Variants in CREB5 observed in about 807,000 individuals in gnomAD.
CREB5 encodes cAMP responsive element binding protein 5.
In CREB5, 19 loss-of-function variants were observed where a neutral mutation model predicts 57.1. The observed-to-expected ratio is 0.33, with a 90% CI of 0.23 to 0.49. The LOEUF is 0.49. Among genes scored for constraint, CREB5 ranks in the 20% least tolerant of loss-of-function variants. The pLI is 0.99. For synonymous variants in CREB5, 238 were observed against 238.3 expected (o/e 1.00, Z 0.01); for missense variants, 579 against 671.6 (o/e 0.86, Z 1.52).
At chr7:28,318,765 A>G (rs1270182782) in intron 1 of CREB5, among the ~76,000 whole-genome samples, 2 of 152,256 alleles carry the variant, frequency 1.3e-5, no homozygotes, top group Non-Finnish European at 2.9e-5. Context: ...GGCACAGAAT[A>G]TCATCGTAAA....
At chr7:28,795,755 C>CTTTTTTTTT (rs367853221) in intron 7 of CREB5, among the ~76,000 whole-genome samples, 1 of 137,518 alleles carries the variant, frequency 7.3e-6, no homozygotes, top group African/African-American at 2.7e-5. Flanking sequence ...GTTTTTCTTT[C>CTTTTTTTTT]TTTTTTTTTT....
chr7:28,336,237 C>T (rs1785819617), intron 1 of CREB5, among the ~76,000 whole-genome samples: 1 of 151,980 alleles, frequency 6.6e-6, no homozygotes, highest in Admixed American at 6.6e-5. Context: ...ATTCTCTCCT[C>T]CTCTATTTTT....
intron 5 of CREB5, among the ~76,000 whole-genome samples, chr7:28,608,016 C>A (rs539942556): frequency 1.3e-5 from 2 of 151,656 alleles, no homozygotes; most frequent in South Asian, 4.2e-4. Context: ...GTTTATTAAT[C>A]GTGGCATCAG....
chr7:28,430,887 T>C lies in CREB5; in HGVS notation c.3+17970T>C, dbSNP rs539445899. On this transcript the variant is annotated intron_variant, in intron 1 of 10. Transcript: ENST00000357727. ...GTGATCAAGATACCTGCCAGGGCTG[T>C]AGTCACCTCAAACCTCAGTGGGGGA... Among the ~76,000 whole-genome samples the C allele has an allele frequency of 9.2e-5, 14 of 152,298 alleles. No individual in the cohort carries two copies. The Middle Eastern group carries it at 0.01, about 111-fold the overall frequency.
chr7:28,571,306 G>A (rs1050631562), intron 5 of CREB5, among the ~76,000 whole-genome samples: 1 of 152,146 alleles, frequency 6.6e-6, no homozygotes, highest in South Asian at 2.1e-4. Flanking sequence ...CCACGGATAA[G>A]GGGGACCACC....
At chr7:28,578,773 A>G (rs1178727578) in intron 5 of CREB5, among the ~76,000 whole-genome samples, 2 of 152,244 alleles carry the variant, frequency 1.3e-5, no homozygotes, top group African/African-American at 2.4e-5. Flanking sequence ...AGCTCATTCA[A>G]CAGCTTCTTT....
At chr7:28,323,643 T>A (rs1785529164) in intron 1 of CREB5, among the ~76,000 whole-genome samples, 1 of 152,198 alleles carries the variant, frequency 6.6e-6, no homozygotes, top group Non-Finnish European at 1.5e-5. Context: ...TCTAGGGCAG[T>A]GAACCCCAGC....
chr7:28,735,037 C>T (rs1803892572), intron 7 of CREB5, among the ~76,000 whole-genome samples: 1 of 152,124 alleles, frequency 6.6e-6, no homozygotes, highest in South Asian at 2.1e-4. Flanking sequence ...AGCTTCACCA[C>T]CTTACTTTAC....
At chr7:28,368,629 C>T (rs1017131137) in intron 1 of CREB5, among the ~76,000 whole-genome samples, 1 of 152,200 alleles carries the variant, frequency 6.6e-6, no homozygotes, top group Non-Finnish European at 1.5e-5. Flanking sequence ...CTCAGATGGT[C>T]CCATTGCTAC....
chr7:28,476,432 C>T (rs1791071635), intron 1 of CREB5, among the ~76,000 whole-genome samples: 1 of 152,186 alleles, frequency 6.6e-6, no homozygotes, highest in Non-Finnish European at 1.5e-5. Context: ...CAGCACTTTG[C>T]AGTTTATGAA....
intron 1 of CREB5, among the ~76,000 whole-genome samples, chr7:28,371,836 T>C (rs1786711185): frequency 2.0e-5 from 1 of 50,382 alleles, no homozygotes; most frequent in Non-Finnish European, 3.5e-5. Context: ...CTTTGCCACC[T>C]GAGCGCTTGT....
chr7:28,510,791 T>C (rs947989460), intron 4 of CREB5, among the ~76,000 whole-genome samples: 3 of 152,222 alleles, frequency 2.0e-5, no homozygotes, highest in African/African-American at 7.2e-5. Flanking sequence ...CATAATAGCC[T>C]CAATTTCCAT....
At chr7:28,485,970 C>T (rs1164947251) in intron 1 of CREB5, among the ~76,000 whole-genome samples, 1 of 152,010 alleles carries the variant, frequency 6.6e-6, no homozygotes, top group African/African-American at 2.4e-5. Flanking sequence ...ACTCCCCAGA[C>T]AAGGGCAAGC....
chr7:28,394,872 A>G (rs990045782), intron 1 of CREB5, among the ~76,000 whole-genome samples: 3 of 152,224 alleles, frequency 2.0e-5, no homozygotes, highest in African/African-American at 7.2e-5. Flanking sequence ...AAAGAATAAA[A>G]TAATTATCTT....
At chr7:28,368,729 T>C (rs563294736) in intron 1 of CREB5, among the ~76,000 whole-genome samples, 1 of 152,252 alleles carries the variant, frequency 6.6e-6, no homozygotes, top group African/African-American at 2.4e-5. Flanking sequence ...CCTATATTTT[T>C]AAATAGCAAA....
chr7:28,790,512 T>G (rs7796326), intron 7 of CREB5, among the ~76,000 whole-genome samples: 43,365 of 147,796 alleles, frequency 0.29, 7,395 homozygotes, highest in African/African-American at 0.48. Context: ...GAAAGAAAAA[T>G]AAAGAAAGAA....
chr7:28,325,457 A>G (rs969908413), intron 1 of CREB5, among the ~76,000 whole-genome samples: 2 of 93,502 alleles, frequency 2.1e-5, no homozygotes, highest in Non-Finnish European at 4.5e-5. Context: ...TCCATCTCAA[A>G]AAAAAAAAAA....
chr7:28,813,940 G>A (rs1809273518), intron 9 of CREB5, among the ~76,000 whole-genome samples: 1 of 152,096 alleles, frequency 6.6e-6, no homozygotes, highest in African/African-American at 2.4e-5. Context: ...TTAATACCTT[G>A]TATTTACAAA....
intron 5 of CREB5, among the ~76,000 whole-genome samples, chr7:28,658,951 G>T (rs1480876349): frequency 2.1e-5 from 1 of 46,984 alleles, no homozygotes; most frequent in Non-Finnish European, 4.7e-5. Flanking sequence ...ATGTGTGTGT[G>T]TGTATATATA....
Sources: gnomAD v4.1 joint callset for allele counts (sites outside exome capture counted in the v4.1 genomes callset) on GRCh38, gnomAD v4.1.1 for gene constraint, MANE v1.5 for transcripts, NCBI Gene and HGNC (gene_info 2026-07-23, HGNC 2026-07-21) for gene names.